Variants in MAPK10 observed in about 807,000 individuals in gnomAD.
MAPK10 encodes JNK3 alpha protein kinase.
In MAPK10, 25 loss-of-function variants were observed where a neutral mutation model predicts 59.3. The observed-to-expected ratio is 0.42, with a 90% CI of 0.31 to 0.59. The LOEUF is 0.59. Ranked by LOEUF, MAPK10 falls within the 20% of genes least tolerant of loss-of-function variation. MAPK10 has a pLI of 0.15. For missense variants in MAPK10, 351 were observed against 568.9 expected, an observed-to-expected ratio of 0.62 and a Z score of 3.90; for synonymous variants, 190 against 200.5, an observed-to-expected ratio of 0.95 and a Z score of 0.44.
chr4:86,512,322 CA>C (rs1412456117), intron 1 of MAPK10, among the ~76,000 whole-genome samples: 2 of 152,204 alleles, frequency 1.3e-5, no homozygotes, highest in East Asian at 3.9e-4. Flanking sequence ...CTCTTTATAA[CA>C]GAATACAATT....
At chr4:86,274,416 G>A (rs17011653) in intron 2 of MAPK10, among the ~76,000 whole-genome samples, 9,648 of 151,806 alleles carry the variant, frequency 0.064, 410 homozygotes, top group South Asian at 0.14. Flanking sequence ...TGCATCTCTT[G>A]GAAAATGTTA....
At chr4:86,583,538 G>T (rs1762450701) in intron 1 of MAPK10, among the ~76,000 whole-genome samples, 1 of 152,080 alleles carries the variant, frequency 6.6e-6, no homozygotes, top group African/African-American at 2.4e-5. Context: ...TTCTTTTTCG[G>T]TCTTGAAAGA....
intron 2 of MAPK10, among the ~76,000 whole-genome samples, chr4:86,280,161 A>G (rs2094742528): frequency 6.6e-6 from 1 of 152,214 alleles, no homozygotes. Flanking sequence ...CTATCAATAG[A>G]GTAAACAGAC....
intron 2 of MAPK10, among the ~76,000 whole-genome samples, chr4:86,351,149 TA>T (rs1434707635): frequency 6.6e-6 from 1 of 152,088 alleles, no homozygotes; most frequent in Non-Finnish European, 1.5e-5. Flanking sequence ...GCCTGTGAAC[TA>T]AATTCATCTC....
At chr4:86,547,967 C>G (rs1381319540) in intron 1 of MAPK10, among the ~76,000 whole-genome samples, 1 of 152,198 alleles carries the variant, frequency 6.6e-6, no homozygotes, top group Non-Finnish European at 1.5e-5. Context: ...CTCTACCAAT[C>G]AGCAGGATGT....
chr4:86,514,710 G>A (rs1232939524), intron 1 of MAPK10, among the ~76,000 whole-genome samples: 2 of 152,206 alleles, frequency 1.3e-5, no homozygotes, highest in Non-Finnish European at 2.9e-5. Context: ...GATTATGGCT[G>A]TGGTGCTAGT....
intron 4 of MAPK10, among the ~76,000 whole-genome samples, chr4:86,153,926 A>G (rs2067074508): frequency 6.6e-6 from 1 of 152,170 alleles, no homozygotes; most frequent in Admixed American, 6.6e-5. Context: ...TTTAAAATTA[A>G]TGGAAAATGC....
chr4:86,372,564 G>GAAAGAAAGA, intron 1 of MAPK10, among the ~76,000 whole-genome samples: 1,751 of 77,640 alleles, frequency 0.023, 20 homozygotes, highest in African/African-American at 0.032. Context: ...AAGAAAGAAA[G>GAAAGAAAGA]AAAGAAAAGA....
In MAPK10 at chr4:86,381,790, CAT is replaced by C. The variant is rs1369283768; in HGVS notation, c.-121-27148_-121-27147del. ...TATTTACACAGGGACGGTTTACAAACATGTGGGTATAGAGGAATCACAGTGGA... is the reference window on the plus strand; with the variant it reads ...TATTTACACAGGGACGGTTTACAAACGTGGGTATAGAGGAATCACAGTGGA... On this transcript the variant is annotated intron_variant, in intron 1 of 13. Coordinates refer to the MAPK10 transcript ENST00000361569. 2.6e-5 allele frequency among the ~76,000 whole-genome samples: 4 copies of C among 152,200 alleles called. No homozygotes were observed. In the East Asian group the frequency reaches 7.7e-4, roughly 29 times the overall value.
At chr4:86,027,637 C>T (rs1005882743) in intron 13 of MAPK10, 5 of 152,076 alleles carry the variant, frequency 3.3e-5, no homozygotes, top group African/African-American at 1.2e-4. Context: ...TGGAATAGTA[C>T]TAAGAAATAT....
At position 86,040,418 on chromosome 4, in the gene MAPK10, G is replaced by A. The variant is rs536082965; in HGVS notation, c.1111-8987C>T. On this transcript the variant is annotated intron_variant, in intron 11 of 13. Transcript: ENST00000641462. ...AGGAGAAGAAAGAATTTGTAGCCTT[G>A]AAGACAAGTTATTTAAAAATATATG... Among the ~76,000 whole-genome samples the A allele has an allele frequency of 8.1e-4, 123 of 152,150 alleles. 8 individuals carry two copies. In the South Asian group the frequency reaches 0.025, roughly 30 times the overall value.
chr4:86,385,015 T>C (rs1449755550), intron 1 of MAPK10, among the ~76,000 whole-genome samples: 1 of 152,112 alleles, frequency 6.6e-6, no homozygotes, highest in Non-Finnish European at 1.5e-5. Flanking sequence ...CCTAAATTGT[T>C]TTCTTATATA....
intron 11 of MAPK10, among the ~76,000 whole-genome samples, chr4:86,038,330 T>A (rs1050531798): frequency 2.0e-5 from 3 of 152,182 alleles, no homozygotes; most frequent in Non-Finnish European, 4.4e-5. Context: ...TAATTCAACA[T>A]CTGGATCAAA....
At chr4:86,118,726 A>G (rs975151862) in intron 4 of MAPK10, among the ~76,000 whole-genome samples, 8 of 152,110 alleles carry the variant, frequency 5.3e-5, no homozygotes, top group Non-Finnish European at 1.0e-4. Context: ...ATAATCATTT[A>G]TTTGACAATT....
Position 86,223,973 on chromosome 4 carries a change from AT to A in MAPK10, c.-6-29567del, listed in dbSNP as rs1305545248. Among the ~76,000 whole-genome samples the A allele has an allele frequency of 2.0e-5, 3 of 152,242 alleles. No homozygotes were observed. The East Asian group carries it at 5.8e-4, about 29-fold the overall frequency. On this transcript the variant is annotated intron_variant, in intron 2 of 13. Transcript: ENST00000641462. Reference sequence around the variant, plus strand: ...TCATCAATCTTGACACCTGAACCAAATTTGTGGGAGAGATGTCCATCCTTCC... The same window carrying A: ...TCATCAATCTTGACACCTGAACCAAATTGTGGGAGAGATGTCCATCCTTCC...
At chr4:86,220,120 A>G (rs1466636994) in intron 2 of MAPK10, among the ~76,000 whole-genome samples, 3 of 152,222 alleles carry the variant, frequency 2.0e-5, no homozygotes, top group African/African-American at 7.2e-5. Context: ...AGAAAACTGT[A>G]TAAACAAAGG....
rs180679557 is a variant in MAPK10, at chr4:86,265,070, T to C, written c.-6-70663A>G. 8.4e-3 allele frequency among the ~76,000 whole-genome samples: 1,270 copies of C among 152,036 alleles called. 12 individuals carry two copies. Among genetic ancestry groups the C allele is most frequent in the African/African-American group, 0.028 (1,167 of 41,496 alleles). On this transcript the variant is annotated intron_variant, in intron 2 of 13. Coordinates refer to ENST00000641462, the MANE Select transcript of MAPK10 (RefSeq NM_138982.4). ...GACACCCAGCTAATTTTTGTATTTT[T>C]GGTAGAGACAGGGTTTCACCATGTT...
upstream of MAPK10, chr4:86,453,564 A>ACACCC (rs1750967511): frequency 1.0e-5 from 1 of 97,380 alleles, no homozygotes; most frequent in Non-Finnish European, 2.1e-5. Flanking sequence ...TGGGAACCTC[A>ACACCC]CCCCCACCCC....
intron 2 of MAPK10, among the ~76,000 whole-genome samples, chr4:86,304,383 A>ATT (rs2095525375): frequency 9.0e-6 from 1 of 111,216 alleles, no homozygotes; most frequent in East Asian, 2.8e-4. Flanking sequence ...GTTTTGGAGT[A>ATT]TTTCTTTTTT....
Sources: gnomAD v4.1 joint callset for allele counts (sites outside exome capture counted in the v4.1 genomes callset) on GRCh38, gnomAD v4.1.1 for gene constraint, MANE v1.5 for transcripts, NCBI Gene and HGNC (gene_info 2026-07-23, HGNC 2026-07-21) for gene names.